Variants in PARPBP observed in about 807,000 individuals in gnomAD.
The protein encoded by PARPBP is PARP1 binding protein, also known as PCNA-interacting partner.
A neutral mutation model predicts 50.0 loss-of-function variants in PARPBP; 52 were observed. The observed-to-expected ratio is 1.04, with a 90% CI of 0.83 to 1.31. PARPBP has a LOEUF of 1.31. Ranked by LOEUF, PARPBP falls within the 50% of genes most tolerant of loss-of-function variation. PARPBP has a pLI of 0.00. For missense variants in PARPBP, 697 were observed against 672.0 expected (o/e 1.04, Z -0.41); for synonymous variants, 244 against 232.1 (o/e 1.05, Z -0.47).
chr12:102,120,425 T>TTGAC, intron 1 of PARPBP, 139 bp downstream of exon 1: 1 of 456,336 alleles, frequency 2.2e-6, no homozygotes, highest in Non-Finnish European at 4.4e-6. Context: ...GTGCAGTGAC[T>TTGAC]TGACGCTCGA....
chr12:102,158,858 G>A (rs903514409), intron 4 of PARPBP, among the ~76,000 whole-genome samples: 4 of 151,584 alleles, frequency 2.6e-5, no homozygotes, highest in African/African-American at 9.7e-5. Context: ...TTAGAACTTC[G>A]GCTTATAAAG....
chr12:102,178,012 G>A (rs1312680179), intron 7 of PARPBP, among the ~76,000 whole-genome samples: 1 of 152,186 alleles, frequency 6.6e-6, no homozygotes, highest in Non-Finnish European at 1.5e-5. Context: ...ATAGCACTTA[G>A]CATTCTGTAA....
At chr12:102,176,656 T>G (rs1256557258) in intron 7 of PARPBP, among the ~76,000 whole-genome samples, 1 of 152,230 alleles carries the variant, frequency 6.6e-6, no homozygotes, top group Non-Finnish European at 1.5e-5. Flanking sequence ...TTATTCAACT[T>G]TCTAATAGCC....
chr12:102,146,161 A>G (rs890467087), intron 2 of PARPBP, among the ~76,000 whole-genome samples: 48 of 152,332 alleles, frequency 3.2e-4, no homozygotes, highest in Non-Finnish European at 4.7e-4. Flanking sequence ...TATAGATTCA[A>G]TGCCATCCCC....
chr12:102,158,920 A>G (rs752399385), intron 4 of PARPBP, among the ~76,000 whole-genome samples: 77 of 152,310 alleles, frequency 5.1e-4, no homozygotes, highest in Non-Finnish European at 8.8e-4. Context: ...TTCCTGATTT[A>G]AACAACACTG....
chr12:102,191,597 T>C (rs1341860289), intron 9 of PARPBP, among the ~76,000 whole-genome samples: 1 of 152,160 alleles, frequency 6.6e-6, no homozygotes, highest in Non-Finnish European at 1.5e-5. Context: ...GTGTTTTGAC[T>C]CATTTATTTT....
At chr12:102,190,823 G>A (rs1015537109) in intron 9 of PARPBP, among the ~76,000 whole-genome samples, 2 of 152,092 alleles carry the variant, frequency 1.3e-5, no homozygotes, top group African/African-American at 4.8e-5. Context: ...TGGTATATTT[G>A]AAGGTTATCA....
intron 10 of PARPBP, among the ~76,000 whole-genome samples, chr12:102,195,665 T>C (rs1891239180): frequency 6.6e-6 from 1 of 151,752 alleles, no homozygotes; most frequent in South Asian, 2.1e-4. Flanking sequence ...TAAGAAGTAA[T>C]TTGTAGCATA....
In PARPBP at chr12:102,123,140, G is replaced by T. The variant is rs533875987; in HGVS notation, c.-3-746G>T. 3.3e-5 allele frequency among the ~76,000 whole-genome samples: 5 copies of T among 152,214 alleles called. No individual in the cohort carries two copies. The East Asian group carries it at 9.7e-4, about 29-fold the overall frequency. On this transcript the variant is annotated intron_variant, in intron 1 of 10. Transcript: ENST00000327680. Reference sequence around the variant, plus strand: ...CTTAATGCCCAGGGTTTTTATTGGGGGCTAAATGCAAAGGCATCCACTGTC... The same window carrying T: ...CTTAATGCCCAGGGTTTTTATTGGGTGCTAAATGCAAAGGCATCCACTGTC...
chr12:102,159,334 G>T (rs1482580735), intron 4 of PARPBP, among the ~76,000 whole-genome samples: 2 of 152,082 alleles, frequency 1.3e-5, no homozygotes, highest in Non-Finnish European at 2.9e-5. Flanking sequence ...TCACCATGTT[G>T]GCCAGGCTGG....
In PARPBP at chr12:102,178,766, T is replaced by C; in HGVS notation, c.1180T>C (p.Phe394Leu). ...HHHGTSILTLFRSPTQVNNSI... is the reference protein window; with the variant it reads ...HHHGTSILTLLRSPTQVNNSI... ...TCATGGAACGTCTATTCTTACACTT[T>C]TTAGGTAAGTTATGTGGAAGTTATA... The change falls in exon 8 of 11, where the codon TTT becomes CTT. Residue 394 changes from phenylalanine (F) to leucine (L), a missense_variant. Phe to Leu is a conservative substitution (Grantham distance 22, BLOSUM62 0). Coordinates refer to ENST00000327680, the MANE Select transcript of PARPBP (RefSeq NM_017915.5). The C allele has an allele frequency of 6.3e-7, 1 of 1,588,512 alleles. No homozygotes were observed. Among genetic ancestry groups the C allele is most frequent in the South Asian group, 1.1e-5 (1 of 87,436 alleles).
intron 2 of PARPBP, among the ~76,000 whole-genome samples, chr12:102,128,624 C>T (rs1391168531): frequency 6.6e-6 from 1 of 152,130 alleles, no homozygotes; most frequent in East Asian, 1.9e-4. Context: ...ATAATGTTTT[C>T]CAGGTACATC....
At chr12:102,188,234 A>T (rs1890482419) in intron 9 of PARPBP, among the ~76,000 whole-genome samples, 1 of 151,472 alleles carries the variant, frequency 6.6e-6, no homozygotes, top group Admixed American at 6.6e-5. Flanking sequence ...CCACTTGAGA[A>T]GTGGGACGTG....
rs372221272 is a variant in PARPBP at position 102,196,196 on chromosome 12, G to T, written c.1645G>T (p.Gly549Cys). ...KSNDSQNRLY[G>C]KLAKVAKSNK... ...AAATGATTCACAGAATAGATTGTACGGCAAACTAGCTAAAGTAGCAAAAAG... is the reference window on the plus strand; with the variant it reads ...AAATGATTCACAGAATAGATTGTACTGCAAACTAGCTAAAGTAGCAAAAAG... The change falls in exon 11 of 11, where the codon GGC (glycine) becomes TGC (cysteine). Residue 549 changes from glycine to cysteine, a missense_variant. Physicochemically the swap from Gly to Cys is radical, Grantham distance 159. Transcript: ENST00000327680. 1.2e-6 allele frequency: 2 copies of T among 1,611,518 alleles called. No individual in the cohort carries two copies. Among genetic ancestry groups the T allele is most frequent in the East Asian group, 2.2e-5 (1 of 44,750 alleles).
At position 102,162,764 on chromosome 12, in the gene PARPBP, G is replaced by A. The variant is rs550167185; in HGVS notation, c.496-1674G>A. On this transcript the variant is annotated intron_variant, in intron 4 of 10. Transcript: ENST00000327680. ...TTAAGCCTGGGAGGTTGAGGTTACA[G>A]TGTGCCCTGATTGTGCCACTGCACT... Among the ~76,000 whole-genome samples the A allele has an allele frequency of 2.4e-4, 37 of 152,098 alleles. No homozygotes were observed. The South Asian group carries it at 7.5e-3, about 31-fold the overall frequency.
At chr12:102,126,300 C>T (rs1881981744) in intron 2 of PARPBP, among the ~76,000 whole-genome samples, 1 of 152,184 alleles carries the variant, frequency 6.6e-6, no homozygotes, top group Non-Finnish European at 1.5e-5. Flanking sequence ...CAAGCCCCAC[C>T]TTTTGCTTAC....
chr12:102,137,651 C>T (rs1480861875), intron 2 of PARPBP, among the ~76,000 whole-genome samples: 2 of 151,974 alleles, frequency 1.3e-5, no homozygotes, highest in Non-Finnish European at 2.9e-5. Context: ...CTATCCCTCC[C>T]CGCTCCCCCC....
Position 102,153,960 on chromosome 12 carries a change from A to G in PARPBP, c.479A>G (p.Asn160Ser). The G allele has an allele frequency of 6.3e-7, 1 of 1,576,932 alleles. No individual in the cohort carries two copies. The highest frequency in any genetic ancestry group is 1.3e-5 in the African/African-American group (1 of 74,256). ...CCAACATCACCAACAAGTAAATACA[A>G]CCGTGATAATGAAAAGGTACTGATA... ...SIPTSPTSKYNRDNEKVQLLA... is the reference protein window; with the variant it reads ...SIPTSPTSKYSRDNEKVQLLA... Residue 160 changes from asparagine to serine, a missense_variant, in exon 4 of 11, where the codon AAC (asparagine) becomes AGC (serine). Coordinates refer to ENST00000327680, the MANE Select transcript of PARPBP (RefSeq NM_017915.5).
In PARPBP at chr12:102,168,124, C is replaced by T. The variant is rs116018687; in HGVS notation, c.821+2241C>T. ...CTACTCTCATCAGCTGTTGTTTCCT[C>T]TCTCATTCTCTTTTTCTTCATAGAT... On this transcript the variant is annotated intron_variant, in intron 6 of 10. Coordinates refer to ENST00000327680, the MANE Select transcript of PARPBP (RefSeq NM_017915.5). Among the ~76,000 whole-genome samples, 1,093 of 152,242 alleles carry T rather than the reference C, an allele frequency of 7.2e-3. 15 individuals are homozygous for T. Among genetic ancestry groups the T allele is most frequent in the African/African-American group, 0.025 (1,031 of 41,540 alleles).
Sources: allele counts gnomAD v4.1 joint callset (sites outside exome capture counted in the v4.1 genomes callset), GRCh38; gene constraint gnomAD v4.1.1; transcripts MANE v1.5; gene names NCBI Gene and HGNC (gene_info 2026-07-23, HGNC 2026-07-21).